SPTBN1: variants seen among roughly 807,000 people sequenced by gnomAD.
The protein encoded by SPTBN1 is spectrin beta, non-erythrocytic 1.
Under a neutral mutation model 266.4 loss-of-function variants are expected in SPTBN1, and 32 were observed. That is an observed-to-expected ratio of 0.12 (90% CI 0.09 to 0.16). The LOEUF (loss-of-function observed/expected upper bound fraction) is 0.16, where lower values mean the gene tolerates loss of function less well. Among genes scored for constraint, SPTBN1 ranks in the 10% least tolerant of loss-of-function variants. SPTBN1 has a pLI of 1.00. For synonymous variants in SPTBN1, 1,336 were observed against 1,162.2 expected (o/e 1.15, Z -3.04); for missense variants, 2,296 against 3,067.1 (o/e 0.75, Z 5.94).
At chr2:54,472,273 C>T (rs1054895140) in intron 1 of SPTBN1, among the ~76,000 whole-genome samples, 21 of 152,022 alleles carry the variant, frequency 1.4e-4, no homozygotes, top group Non-Finnish European at 2.2e-4. Flanking sequence ...ATAATCCGCC[C>T]GCCTGGACCT....
chr2:54,656,129 G>C, intron 29 of SPTBN1, 131 bp downstream of exon 29: 1 of 688,630 alleles, frequency 1.5e-6, no homozygotes, highest in Non-Finnish European at 2.4e-6. Context: ...TTAGTGCCCC[G>C]TTTCACCATT....
rs2103756107 is a variant in SPTBN1, at chr2:54,456,394, C to G, written c.-172C>G. ...GCCCTGCGCAGCAGCGCCCACTGGT[C>G]CCGTCCTGTGAGCCCCGGCCCCAGC... On this transcript the variant is annotated 5_prime_UTR_variant, in exon 1 of 36. Transcript: ENST00000356805. 1 of 152,494 alleles carries G rather than the reference C, an allele frequency of 6.6e-6. No homozygotes were observed. The highest frequency in any genetic ancestry group is 1.5e-5 in the Non-Finnish European group (1 of 68,214). The allele number at this position is 152,494 out of a possible 1,614,324, so 9.4% of individuals were successfully genotyped here.
intron 3 of SPTBN1, among the ~76,000 whole-genome samples, chr2:54,599,861 T>C (rs1180705375): frequency 6.6e-6 from 1 of 152,194 alleles, no homozygotes; most frequent in Non-Finnish European, 1.5e-5. Context: ...TGCGGCCCTC[T>C]CTGATGTGAC....
intron 18 of SPTBN1, among the ~76,000 whole-genome samples, chr2:54,639,906 C>T (rs554714613): frequency 2.0e-5 from 3 of 152,166 alleles, no homozygotes; most frequent in East Asian, 1.9e-4. Flanking sequence ...GACTGCTCTG[C>T]GAAATCATCC....
At chr2:54,652,580 G>A (rs568913945) in intron 26 of SPTBN1, 8 of 152,352 alleles carry the variant, frequency 5.3e-5, no homozygotes, top group East Asian at 1.9e-4. Flanking sequence ...ATGCAAGAAT[G>A]TATATGTAGG....
chr2:54,567,348 T>C (rs771648070), intron 2 of SPTBN1, among the ~76,000 whole-genome samples: 2 of 151,748 alleles, frequency 1.3e-5, no homozygotes, highest in Non-Finnish European at 2.9e-5. Flanking sequence ...TATTTATTTA[T>C]TTATTTATTT....
rs546831008 is a variant in SPTBN1, at chr2:54,638,684, A to G, written c.3858+881A>G. ...CATATTTCTCTGTCTGCCGGAGAAT[A>G]ACAGACTCAGCCCTCTCTGGTTTAT... On this transcript the variant is annotated intron_variant, in intron 18 of 35. Coordinates refer to ENST00000356805, the MANE Select transcript of SPTBN1 (RefSeq NM_003128.3). Among the ~76,000 whole-genome samples, 158 of 152,354 alleles carry G rather than the reference A, an allele frequency of 1.0e-3. 1 individual carries two copies. The highest frequency in any genetic ancestry group is 2.1e-3 in the South Asian group (10 of 4,828).
chr2:54,493,207 T>C (rs1042767280), intron 1 of SPTBN1, among the ~76,000 whole-genome samples: 18 of 151,882 alleles, frequency 1.2e-4, no homozygotes, highest in Admixed American at 1.2e-3. Flanking sequence ...GGTTTCGCCA[T>C]GTTGCCCAGG....
intron 1 of SPTBN1, among the ~76,000 whole-genome samples, chr2:54,509,592 T>C (rs1191844898): frequency 6.6e-6 from 1 of 152,216 alleles, no homozygotes; most frequent in Non-Finnish European, 1.5e-5. Flanking sequence ...TCACAAGATA[T>C]TGAGAGTTAG....
chr2:54,642,656 C>T lies in SPTBN1; in HGVS notation c.3859-327C>T, dbSNP rs371791777. 1.2e-4 allele frequency among the ~76,000 whole-genome samples: 18 copies of T among 150,978 alleles called. No homozygotes were observed. The East Asian group carries it at 2.2e-3, about 18-fold the overall frequency. On this transcript the variant is annotated intron_variant, in intron 18 of 35. Transcript: ENST00000356805. ...ATTTGGAAGAGAAAAAGAGTCATGT[C>T]TTGGAGTGGTTAGGGTAGAATTTTA...
chr2:54,670,509 C>G lies in SPTBN1; in HGVS notation c.*1940C>G. The G allele has an allele frequency of 5.1e-6, 2 of 394,240 alleles. No individual in the cohort carries two copies. The highest frequency in any genetic ancestry group is 3.6e-5 in the East Asian group (1 of 27,894). 24.4% of individuals were successfully genotyped at this position (394,240 alleles called of 1,614,324 possible). ...AACTGAGACCTCACCATCCTCTCCCCTGCTTCCCACGACAGTCCTTTGCCC... is the reference window on the plus strand; with the variant it reads ...AACTGAGACCTCACCATCCTCTCCCGTGCTTCCCACGACAGTCCTTTGCCC... On this transcript the variant is annotated 3_prime_UTR_variant, in exon 36 of 36. Transcript: ENST00000356805.
chr2:54,496,713 T>C (rs1668989920), intron 1 of SPTBN1, among the ~76,000 whole-genome samples: 1 of 152,224 alleles, frequency 6.6e-6, no homozygotes, highest in Non-Finnish European at 1.5e-5. Flanking sequence ...AATAACAAGC[T>C]ATCACTTTGG....
intron 1 of SPTBN1, among the ~76,000 whole-genome samples, chr2:54,522,697 G>GAGAGAGAGAAAGAGAA (rs1553439438): frequency 1.1e-4 from 11 of 97,330 alleles, no homozygotes; most frequent in Admixed American, 2.3e-4. Flanking sequence ...GAGAGAGAGA[G>GAGAGAGAGAAAGAGAA]AGAAAGAAAG....
chr2:54,630,912 G>C lies in SPTBN1; in HGVS notation c.2865G>C (p.Leu955=). ...DRKKDALLSA[L]SIQNYHLECN... is the part of the protein sequence containing the mutation. ...AGAAGGATGCCCTCCTGTCTGCCCT[G>C]AGCATCCAGAACTACCACCTCGAGT... The change falls in exon 16 of 36, where the codon CTG becomes CTC. Residue 955 remains leucine, a synonymous_variant. Transcript: ENST00000356805. 6.2e-7 allele frequency: 1 copy of C among 1,613,292 alleles called. No homozygotes were observed. The highest frequency in any genetic ancestry group is 1.1e-5 in the South Asian group (1 of 90,866).
chr2:54,515,500 C>A (rs1278649217), intron 1 of SPTBN1, among the ~76,000 whole-genome samples: 1 of 151,852 alleles, frequency 6.6e-6, no homozygotes. Flanking sequence ...TTCATTATTC[C>A]CATCCCTTAT....
intron 2 of SPTBN1, among the ~76,000 whole-genome samples, chr2:54,565,795 T>C (rs1673621253): frequency 6.6e-6 from 1 of 152,250 alleles, no homozygotes; most frequent in Admixed American, 6.5e-5. Flanking sequence ...GAAACATCCA[T>C]GTACTATTAA....
chr2:54,625,327 C>T (rs1301223046), intron 11 of SPTBN1, among the ~76,000 whole-genome samples: 1 of 152,146 alleles, frequency 6.6e-6, no homozygotes, highest in South Asian at 2.1e-4. Flanking sequence ...GCTTGCTTTT[C>T]CACCTGGCTT....
At chr2:54,572,144 G>T (rs1573442406) in intron 2 of SPTBN1, among the ~76,000 whole-genome samples, 1 of 152,142 alleles carries the variant, frequency 6.6e-6, no homozygotes, top group African/African-American at 2.4e-5. Flanking sequence ...GGAGAGGGAA[G>T]CCACGGTACT....
intron 28 of SPTBN1, 150 bp from the exon 29 acceptor site, chr2:54,655,764 C>T (rs1467022723): frequency 3.5e-6 from 2 of 568,062 alleles, no homozygotes; most frequent in Admixed American, 6.1e-5. Flanking sequence ...TTTCCTCTCC[C>T]AGTCCTCAGA....
Sources: allele counts gnomAD v4.1 joint callset (sites outside exome capture counted in the v4.1 genomes callset), GRCh38; gene constraint gnomAD v4.1.1; transcripts MANE v1.5; gene names NCBI Gene and HGNC (gene_info 2026-07-23, HGNC 2026-07-21).